Variants in SCP2 observed in about 807,000 individuals in gnomAD.
The protein encoded by SCP2 is sterol carrier protein 2, also known as SCP-2/3-oxoacyl-CoA thiolase.
SCP2 carries 48 observed loss-of-function variants against 71.4 expected under a neutral mutation model. The observed-to-expected ratio is 0.67, with a 90% CI of 0.53 to 0.86. The LOEUF is 0.86. SCP2 is among the 40% of genes least tolerant of loss of function. The pLI is 0.00. For synonymous variants in SCP2, 220 were observed against 218.1 expected (o/e 1.01, Z -0.08); for missense variants, 560 against 655.6 (o/e 0.85, Z 1.59).
chr1:52,978,858 T>A (rs551780553), intron 9 of SCP2, among the ~76,000 whole-genome samples: 21 of 152,194 alleles, frequency 1.4e-4, no homozygotes, highest in African/African-American at 4.8e-4. Flanking sequence ...CACCACACAC[T>A]GCCACAAAGA....
In SCP2 at chr1:52,974,705, C is replaced by T. The variant is rs1657792389; in HGVS notation, c.524-64C>T. The T allele has an allele frequency of 7.2e-6, 6 of 835,048 alleles. No homozygotes were observed. The Admixed American group carries it at 1.0e-4, about 14-fold the overall frequency. The allele number at this position is 835,048 out of a possible 1,614,324, so 51.7% of individuals were successfully genotyped here. A position where few individuals can be genotyped will look rare whatever the true frequency, so the allele number is the denominator to read the frequency against. ...TTTAGCAGAACACTGAGTACCATTG[C>T]AAGATTTGTTAATAAGCAGCGGAAA... is the stretch of plus-strand genomic sequence containing the variant. On this transcript the variant is annotated intron_variant, in intron 6 of 15. Coordinates refer to ENST00000371514, the MANE Select transcript of SCP2 (RefSeq NM_002979.5).
intron 13 of SCP2, among the ~76,000 whole-genome samples, chr1:53,029,565 T>A (rs773856022): frequency 6.6e-6 from 1 of 152,250 alleles, no homozygotes; most frequent in Non-Finnish European, 1.5e-5. Context: ...TCACTCACGT[T>A]AGAGCCATGG....
At chr1:53,012,321 A>C (rs1278779892) in intron 11 of SCP2, among the ~76,000 whole-genome samples, 2 of 152,234 alleles carry the variant, frequency 1.3e-5, no homozygotes, top group African/African-American at 4.8e-5. Flanking sequence ...CTTTTTGTCC[A>C]ATCATATTTC....
intron 11 of SCP2, among the ~76,000 whole-genome samples, chr1:53,002,673 C>A (rs1476668374): frequency 6.6e-6 from 1 of 152,168 alleles, no homozygotes; most frequent in African/African-American, 2.4e-5. Context: ...GTAATTATTT[C>A]TTTTTCTGCA....
intron 2 of SCP2, among the ~76,000 whole-genome samples, chr1:52,942,334 A>G (rs1294694195): frequency 6.6e-6 from 1 of 152,136 alleles, no homozygotes; most frequent in Non-Finnish European, 1.5e-5. Context: ...GCAGTTTGTT[A>G]CTGTTTATTA....
intron 13 of SCP2, among the ~76,000 whole-genome samples, chr1:53,034,718 A>C (rs1308642742): frequency 6.6e-6 from 1 of 152,210 alleles, no homozygotes; most frequent in African/African-American, 2.4e-5. Context: ...ATGTCAGTTT[A>C]TGTAAATTCC....
intron 2 of SCP2, among the ~76,000 whole-genome samples, chr1:52,945,393 CCTT>C (rs1352276582): frequency 1.3e-5 from 2 of 152,020 alleles, no homozygotes; most frequent in African/African-American, 4.8e-5. Flanking sequence ...GAGCATTTCT[CCTT>C]CTACTTAAAA....
rs139330698 is a variant in SCP2 at position 53,050,845 on chromosome 1, T to A, written c.*141T>A. ...TTTGTTTCTTAATGGGTGTGACCAATCCTGTTTTTCCTATGCTCTGGGTGA... is the reference window on the plus strand; with the variant it reads ...TTTGTTTCTTAATGGGTGTGACCAAACCTGTTTTTCCTATGCTCTGGGTGA... On this transcript the variant is annotated 3_prime_UTR_variant, in exon 16 of 16. Coordinates refer to ENST00000371514, the MANE Select transcript of SCP2 (RefSeq NM_002979.5). 3.8e-5 allele frequency: 25 copies of A among 663,180 alleles called. 1 individual carries two copies. In the East Asian group the frequency reaches 6.9e-4, roughly 18 times the overall value. 41.1% of individuals were successfully genotyped at this position (663,180 alleles called of 1,614,324 possible). A position where few individuals can be genotyped will look rare whatever the true frequency, so the allele number is the denominator to read the frequency against.
chr1:53,002,048 G>A (rs1660349272), intron 11 of SCP2, among the ~76,000 whole-genome samples: 1 of 152,058 alleles, frequency 6.6e-6, no homozygotes, highest in Admixed American at 6.6e-5. Context: ...GCTGGGTGTG[G>A]TGGCAGGCGC....
chr1:52,942,837 T>A (rs1035585599), intron 2 of SCP2, among the ~76,000 whole-genome samples: 5 of 150,804 alleles, frequency 3.3e-5, no homozygotes, highest in Non-Finnish European at 7.4e-5. Flanking sequence ...GTAGCTGGGA[T>A]TACAGGCACA....
intron 1 of SCP2, 24 bp downstream of exon 1, chr1:52,927,489 G>T: frequency 6.4e-7 from 1 of 1,562,440 alleles, no homozygotes; most frequent in East Asian, 2.3e-5. Context: ...CGGCCCTGCT[G>T]GCCCTCTGAG....
chr1:52,943,719 G>C (rs1572058321), intron 2 of SCP2: 22 of 454,702 alleles, frequency 4.8e-5, no homozygotes, highest in South Asian at 3.6e-4. Flanking sequence ...GCAATTTGTT[G>C]CACCAGACGC....
At chr1:52,938,041 T>C (rs1448610419) in intron 1 of SCP2, among the ~76,000 whole-genome samples, 1 of 152,236 alleles carries the variant, frequency 6.6e-6, no homozygotes, top group Non-Finnish European at 1.5e-5. Context: ...AGGTAAATTG[T>C]CATGCTGTTG....
chr1:53,003,978 C>T (rs1347825901), intron 11 of SCP2, among the ~76,000 whole-genome samples: 1 of 152,198 alleles, frequency 6.6e-6, no homozygotes, highest in Non-Finnish European at 1.5e-5. Context: ...ATCGCCACTT[C>T]ACTCCTCTTG....
chr1:52,975,377 C>T (rs892540856), intron 7 of SCP2, among the ~76,000 whole-genome samples: 4 of 152,136 alleles, frequency 2.6e-5, no homozygotes, highest in Non-Finnish European at 1.5e-5. Context: ...GACAGGGTTT[C>T]ACCATCTTGG....
At chr1:52,980,941 C>T (rs75075468) in intron 10 of SCP2, among the ~76,000 whole-genome samples, 2,058 of 150,984 alleles carry the variant, frequency 0.014, 29 homozygotes, top group African/African-American at 0.033. Context: ...TTTGTTTTTT[C>T]GTTTTTCTGA....
chr1:52,973,965 AT>A (rs1657722170), intron 6 of SCP2, among the ~76,000 whole-genome samples: 1 of 152,182 alleles, frequency 6.6e-6, no homozygotes. Context: ...TTTTATTAGA[AT>A]TGAGATAAGA....
chr1:52,967,016 T>C (rs1410742946), intron 6 of SCP2, among the ~76,000 whole-genome samples: 1 of 151,984 alleles, frequency 6.6e-6, no homozygotes, highest in Admixed American at 6.6e-5. Flanking sequence ...GGTGAAACCC[T>C]GTCTCTACTA....
intron 1 of SCP2, among the ~76,000 whole-genome samples, chr1:52,928,128 A>G (rs1652695848): frequency 6.6e-6 from 1 of 152,234 alleles, no homozygotes; most frequent in Non-Finnish European, 1.5e-5. Flanking sequence ...GGATCCGTTC[A>G]GATCGGATCT....
Sources: gnomAD v4.1 joint callset for allele counts (sites outside exome capture counted in the v4.1 genomes callset) on GRCh38, gnomAD v4.1.1 for gene constraint, MANE v1.5 for transcripts, NCBI Gene and HGNC (gene_info 2026-07-23, HGNC 2026-07-21) for gene names.